Variants in PNPLA1 observed in about 807,000 individuals in gnomAD.
PNPLA1 encodes the protein patatin like domain 1, omega-hydroxyceramide transacylase, also known as omega-hydroxyceramide transacylase.
PNPLA1 carries 36 observed loss-of-function variants against 51.7 expected under a neutral mutation model. The ratio of observed to expected loss-of-function variants is 0.70; its 90% CI spans 0.53 to 0.92. The LOEUF (loss-of-function observed/expected upper bound fraction) is 0.92. PNPLA1 is among the 40% of genes least tolerant of loss of function. The pLI is 0.00. For synonymous variants in PNPLA1, 293 were observed against 280.1 expected (o/e 1.05, Z -0.46); for missense variants, 658 against 682.5 (o/e 0.96, Z 0.40).
chr6:36,291,199 G>A (rs887282577), intron 1 of PNPLA1, 121 bp from the exon 2 acceptor site: 16 of 729,098 alleles, frequency 2.2e-5, no homozygotes, highest in Admixed American at 1.4e-4. Context: ...CCCAGCTTCC[G>A]AATTCTAGGT....
At chr6:36,291,896 C>T (rs1014563001) in intron 2 of PNPLA1, among the ~76,000 whole-genome samples, 2 of 152,158 alleles carry the variant, frequency 1.3e-5, no homozygotes, top group African/African-American at 2.4e-5. Context: ...TGCCATGCAT[C>T]CCCCCAGAAT....
At chr6:36,265,804 C>T (rs1187844714), upstream of PNPLA1, among the ~76,000 whole-genome samples, 5 of 152,186 alleles carry the variant, frequency 3.3e-5, no homozygotes, top group South Asian at 4.1e-4. Flanking sequence ...TTCTCTTATA[C>T]GATTTTTGAT....
intron 6 of PNPLA1, among the ~76,000 whole-genome samples, chr6:36,305,895 A>G (rs1449887086): frequency 6.6e-6 from 1 of 150,690 alleles, no homozygotes. Flanking sequence ...CTGAGATCAC[A>G]GGCATGCACT....
At chr6:36,267,784 T>C (rs1769796834), upstream of PNPLA1, among the ~76,000 whole-genome samples, 1 of 152,006 alleles carries the variant, frequency 6.6e-6, no homozygotes, top group African/African-American at 2.4e-5. Context: ...GTGCCATCCC[T>C]GCCCCCCCCA....
At chr6:36,297,770 C>T (rs1027130380) in intron 5 of PNPLA1, among the ~76,000 whole-genome samples, 2 of 152,086 alleles carry the variant, frequency 1.3e-5, no homozygotes, top group Admixed American at 6.5e-5. Context: ...AATATCCATC[C>T]GGCATTCAGG....
upstream of PNPLA1, among the ~76,000 whole-genome samples, chr6:36,265,854 C>T (rs1243497238): frequency 6.6e-6 from 1 of 152,182 alleles, no homozygotes; most frequent in Non-Finnish European, 1.5e-5. Flanking sequence ...ATAATACCCA[C>T]CCTCTGGTAT....
upstream of PNPLA1, among the ~76,000 whole-genome samples, chr6:36,268,767 G>A (rs1769821978): frequency 6.6e-6 from 1 of 152,182 alleles, no homozygotes; most frequent in Non-Finnish European, 1.5e-5. Flanking sequence ...CTGATTTGGG[G>A]ATGGAGCTTC....
chr6:36,268,529 C>T (rs1206551697), upstream of PNPLA1, among the ~76,000 whole-genome samples: 2 of 152,136 alleles, frequency 1.3e-5, no homozygotes, highest in African/African-American at 4.8e-5. Context: ...TCTTGCTGCT[C>T]CTCGACCAGT....
chr6:36,256,701 C>T (rs1205311779), intron 1 of PNPLA1, among the ~76,000 whole-genome samples: 1 of 152,130 alleles, frequency 6.6e-6, no homozygotes, highest in Non-Finnish European at 1.5e-5. Context: ...CCGCCTCAGG[C>T]TCTTAAAGTG....
At chr6:36,308,478 A>G (rs148189742) in intron 8 of PNPLA1, 1 of 152,314 alleles carries the variant, frequency 6.6e-6, no homozygotes, top group East Asian at 1.9e-4. Context: ...CCTGCTTCTT[A>G]TAGCTTTTTG....
intron 1 of PNPLA1, among the ~76,000 whole-genome samples, chr6:36,245,864 C>T (rs1280407626): frequency 6.6e-6 from 1 of 152,206 alleles, no homozygotes; most frequent in African/African-American, 2.4e-5. Flanking sequence ...CGCACAGTTT[C>T]ACTCCCCGCC....
chr6:36,300,827 T>C (rs1771019326), intron 5 of PNPLA1, among the ~76,000 whole-genome samples: 1 of 152,326 alleles, frequency 6.6e-6, no homozygotes, highest in East Asian at 1.9e-4. Flanking sequence ...CTCCACTTCC[T>C]AAAGGGTCAA....
chr6:36,280,311 G>C (rs187715459), intron 1 of PNPLA1, among the ~76,000 whole-genome samples: 81 of 152,270 alleles, frequency 5.3e-4, no homozygotes, highest in Non-Finnish European at 1.3e-4. Context: ...TTTTTTGCAG[G>C]AATTCTGTGT....
In PNPLA1 at chr6:36,294,598, G is replaced by C. The variant is rs1395046927; in HGVS notation, c.714+199G>C. ...TGAACAAGCGCCTCAAGCTCTCCCA[G>C]CTTCAACATTCTCCCCGGTAAAGCG... is the stretch of plus-strand genomic sequence containing the variant. On this transcript the variant is annotated intron_variant, in intron 4 of 8. Coordinates refer to ENST00000636260, the MANE Select transcript of PNPLA1 (RefSeq NM_001374623.1). This position sits in a 1 kb window ranked among gnomAD's most constrained non-coding sequence, Gnocchi z 4.2. 1.3e-5 allele frequency among the ~76,000 whole-genome samples: 2 copies of C among 152,142 alleles called. No homozygotes were observed. The highest frequency in any genetic ancestry group is 4.8e-5 in the African/African-American group (2 of 41,414).
At chr6:36,253,405 T>C (rs538733583) in intron 1 of PNPLA1, among the ~76,000 whole-genome samples, 1 of 152,336 alleles carries the variant, frequency 6.6e-6, no homozygotes, top group African/African-American at 2.4e-5. Flanking sequence ...CCTTAGAATA[T>C]ATTTCCACAA....
chr6:36,269,990 C>T (rs1245557855), upstream of PNPLA1, among the ~76,000 whole-genome samples: 2 of 152,198 alleles, frequency 1.3e-5, no homozygotes, highest in Admixed American at 6.5e-5. Flanking sequence ...GGGAGGTGTA[C>T]ACCGATAACC....
At chr6:36,291,288 C>G (rs765059782) in intron 1 of PNPLA1, 32 bp from the exon 2 acceptor site, 1 of 1,581,466 alleles carries the variant, frequency 6.3e-7, no homozygotes, top group Non-Finnish European at 8.7e-7. Context: ...TGGGTGGCAC[C>G]GACCACCCCC....
At chr6:36,257,100 G>C (rs141464730) in intron 1 of PNPLA1, among the ~76,000 whole-genome samples, 13 of 152,280 alleles carry the variant, frequency 8.5e-5, no homozygotes, top group Non-Finnish European at 1.5e-4. Flanking sequence ...GGTGAAATAT[G>C]TGGGGAGGGG....
intron 1 of PNPLA1, among the ~76,000 whole-genome samples, chr6:36,258,588 G>A (rs748859056): frequency 6.6e-6 from 1 of 152,142 alleles, no homozygotes; most frequent in Non-Finnish European, 1.5e-5. Flanking sequence ...CAAAATTTTT[G>A]TTAGTGTCTT....
Sources: allele counts gnomAD v4.1 joint callset (sites outside exome capture counted in the v4.1 genomes callset), GRCh38; gene constraint gnomAD v4.1.1; non-coding constraint Gnocchi (gnomAD v3.1); transcripts MANE v1.5; gene names NCBI Gene and HGNC (gene_info 2026-07-23, HGNC 2026-07-21).